Variants in CENPW observed in about 807,000 individuals in gnomAD.
CENPW encodes centromere protein W.
CENPW carries 3 observed loss-of-function variants against 11.1 expected under a neutral mutation model. That is an observed-to-expected ratio of 0.27 (90% CI 0.12 to 0.70). The LOEUF (loss-of-function observed/expected upper bound fraction) is 0.70, where lower values mean the gene tolerates loss of function less well. Among genes scored for constraint, CENPW ranks in the 30% least tolerant of loss-of-function variants. CENPW has a pLI of 0.77. For synonymous variants in CENPW, 38 were observed against 42.0 expected, an observed-to-expected ratio of 0.91 and a Z score of 0.37; for missense variants, 100 against 105.6, an observed-to-expected ratio of 0.95 and a Z score of 0.23.
the CENPW span, among the ~76,000 whole-genome samples, chr6:126,387,677 G>C: frequency 1.3e-5 from 2 of 151,828 alleles, no homozygotes; most frequent in Non-Finnish European, 2.9e-5. Flanking sequence ...TAACTAAGAG[G>C]TTTCTACCGA....
chr6:126,344,996 G>T (rs1056246066), intron 1 of CENPW, among the ~76,000 whole-genome samples: 2 of 152,034 alleles, frequency 1.3e-5, no homozygotes, highest in African/African-American at 4.8e-5. Flanking sequence ...AGTTGGTAGT[G>T]CCCTCAGGTA....
At chr6:126,462,697 C>G in the CENPW span, among the ~76,000 whole-genome samples, 2 of 151,698 alleles carry the variant, frequency 1.3e-5, no homozygotes, top group African/African-American at 2.4e-5. Context: ...CTGCTACACT[C>G]AAAATTATTT....
the CENPW span, among the ~76,000 whole-genome samples, chr6:126,460,739 A>G: frequency 6.6e-6 from 1 of 151,792 alleles, no homozygotes; most frequent in African/African-American, 2.4e-5. Flanking sequence ...AGCATGGGCA[A>G]GTAGGGATTT....
the CENPW span, among the ~76,000 whole-genome samples, chr6:126,438,388 A>T: frequency 1.3e-5 from 2 of 151,744 alleles, no homozygotes; most frequent in Non-Finnish European, 2.9e-5. Context: ...AATGACTAAA[A>T]GTATAGAAAG....
Position 126,348,656 on chromosome 6 carries a change from G to T in CENPW, c.*164G>T. 2.0e-6 allele frequency: 1 copy of T among 506,954 alleles called. No individual in the cohort carries two copies. Among genetic ancestry groups the T allele is most frequent in the Admixed American group, 4.0e-5 (1 of 25,256 alleles). 31.4% of individuals were successfully genotyped at this position (506,954 alleles called of 1,614,324 possible). A position where few individuals can be genotyped will look rare whatever the true frequency, so the allele number is the denominator to read the frequency against. Reference sequence around the variant, plus strand: ...CTGGCATGAAATATCTCAAGTAAATGCATAGGACTATTTAACCCTTTTATG... The same window carrying T: ...CTGGCATGAAATATCTCAAGTAAATTCATAGGACTATTTAACCCTTTTATG... On this transcript the variant is annotated 3_prime_UTR_variant, in exon 3 of 3. Coordinates refer to ENST00000368328, the MANE Select transcript of CENPW (RefSeq NM_001012507.4).
chr6:126,377,062 C>T, the CENPW span, among the ~76,000 whole-genome samples: 1 of 151,984 alleles, frequency 6.6e-6, no homozygotes, highest in African/African-American at 2.4e-5. Context: ...AGGAAGAGAG[C>T]TATGATAAAA....
the CENPW span, among the ~76,000 whole-genome samples, chr6:126,481,165 T>G: frequency 6.6e-6 from 1 of 152,066 alleles, no homozygotes; most frequent in South Asian, 2.1e-4. Flanking sequence ...CTCTTCATAT[T>G]TGGTAGAATA....
At chr6:126,342,498 C>T (rs1743554375) in intron 1 of CENPW, among the ~76,000 whole-genome samples, 1 of 152,040 alleles carries the variant, frequency 6.6e-6, no homozygotes, top group South Asian at 2.1e-4. Flanking sequence ...GAATGAATAT[C>T]TCCTTTTCTG....
the CENPW span, among the ~76,000 whole-genome samples, chr6:126,451,690 C>T: frequency 1.3e-5 from 2 of 150,964 alleles, no homozygotes; most frequent in Non-Finnish European, 3.0e-5. Context: ...AAACACCCTC[C>T]TCCCCTCTTG....
At chr6:126,411,038 A>G in the CENPW span, among the ~76,000 whole-genome samples, 2 of 151,936 alleles carry the variant, frequency 1.3e-5, no homozygotes, top group Non-Finnish European at 2.9e-5. Context: ...TAGTGGTGTC[A>G]TAGATCCTTG....
the CENPW span, among the ~76,000 whole-genome samples, chr6:126,438,327 G>A: frequency 0.011 from 1,683 of 151,788 alleles, 14 homozygotes; most frequent in Non-Finnish European, 0.015. Context: ...AAATAAAAAT[G>A]TAGCTGAATG....
chr6:126,449,458 G>T, the CENPW span, among the ~76,000 whole-genome samples: 3 of 150,922 alleles, frequency 2.0e-5, no homozygotes, highest in Non-Finnish European at 3.0e-5. Context: ...TCCTAATACT[G>T]GAAATTGGTT....
At chr6:126,405,712 G>T in the CENPW span, among the ~76,000 whole-genome samples, 3 of 151,928 alleles carry the variant, frequency 2.0e-5, no homozygotes, top group Non-Finnish European at 4.4e-5. Flanking sequence ...TATAGAGAAT[G>T]TTCATCTCCT....
the CENPW span, among the ~76,000 whole-genome samples, chr6:126,465,676 C>A: frequency 6.6e-6 from 1 of 151,776 alleles, no homozygotes; most frequent in Admixed American, 6.6e-5. Context: ...GAGAAATTAG[C>A]TGATGAAAAA....
the CENPW span, among the ~76,000 whole-genome samples, chr6:126,437,226 A>T: frequency 6.6e-6 from 1 of 152,004 alleles, no homozygotes; most frequent in Non-Finnish European, 1.5e-5. Flanking sequence ...CTGGCATGAA[A>T]AAAGGAAGCT....
chr6:126,471,479 A>T, the CENPW span, among the ~76,000 whole-genome samples: 1 of 152,196 alleles, frequency 6.6e-6, no homozygotes, highest in Non-Finnish European at 1.5e-5. Context: ...TGTATCCTGA[A>T]TACATTTAGT....
the CENPW span, among the ~76,000 whole-genome samples, chr6:126,385,553 G>C: frequency 6.6e-6 from 1 of 152,088 alleles, no homozygotes; most frequent in African/African-American, 2.4e-5. Context: ...CATTGATATA[G>C]TTAGGCTTTG....
At chr6:126,360,127 A>G in the CENPW span, among the ~76,000 whole-genome samples, 2 of 152,192 alleles carry the variant, frequency 1.3e-5, no homozygotes, top group African/African-American at 4.8e-5. Context: ...AATTGTAACA[A>G]ATTCCCTCAG....
At chr6:126,422,195 C>G in the CENPW span, among the ~76,000 whole-genome samples, 2 of 152,062 alleles carry the variant, frequency 1.3e-5, no homozygotes, top group East Asian at 3.9e-4. Context: ...GAGGAGGCCA[C>G]TAACAGTATT....
Sources: allele counts gnomAD v4.1 joint callset (sites outside exome capture counted in the v4.1 genomes callset), GRCh38; gene constraint gnomAD v4.1.1; transcripts MANE v1.5; gene names NCBI Gene and HGNC (gene_info 2026-07-23, HGNC 2026-07-21).